Variants in KALRN observed in about 807,000 individuals in gnomAD.
KALRN encodes kalirin.
A neutral mutation model predicts 353.7 loss-of-function variants in KALRN; 70 were observed. That is an observed-to-expected ratio of 0.20 (90% confidence interval 0.16 to 0.24). KALRN has a LOEUF of 0.24. KALRN is among the 10% of genes least tolerant of loss of function. The pLI is 1.00. For synonymous variants in KALRN, 1,391 were observed against 1,434.8 expected (o/e 0.97, Z 0.69); for missense variants, 2,791 against 3,756.7 (o/e 0.74, Z 6.72).
intron 5 of KALRN, among the ~76,000 whole-genome samples, chr3:124,274,515 T>G (rs148795827): frequency 6.6e-6 from 1 of 152,346 alleles, no homozygotes; most frequent in Non-Finnish European, 1.5e-5. Context: ...CCAAAGCTAT[T>G]CTGGAAAGGA....
chr3:124,318,038 A>G (rs1461871053), intron 6 of KALRN, among the ~76,000 whole-genome samples: 1 of 152,176 alleles, frequency 6.6e-6, no homozygotes, highest in Non-Finnish European at 1.5e-5. Flanking sequence ...TTCTTAAACC[A>G]GATCCTGGGT....
intron 1 of KALRN, among the ~76,000 whole-genome samples, chr3:124,111,446 C>A (rs1461539023): frequency 6.6e-6 from 1 of 152,098 alleles, no homozygotes. Context: ...CAGCATTTAC[C>A]CTGTGGGACT....
chr3:124,268,479 A>G (rs2073820392), intron 4 of KALRN: 3 of 477,566 alleles, frequency 6.3e-6, no homozygotes, highest in South Asian at 6.0e-5. Flanking sequence ...TGAGGAGAGG[A>G]GGGACACAAA....
In KALRN at chr3:124,434,476, G is replaced by A. The variant is rs764616767; in HGVS notation, c.2999G>A (p.Arg1000Gln). The A allele has an allele frequency of 2.5e-6, 4 of 1,614,120 alleles. No homozygotes were observed. Among genetic ancestry groups the A allele is most frequent in the South Asian group, 1.1e-5 (1 of 91,088 alleles). Residue 1000 changes from arginine to glutamine, a missense_variant, in exon 17 of 60, where the codon CGG (arginine) becomes CAG (glutamine). Transcript: ENST00000682506. Reference protein sequence around the residue: ...WQQLMLKMEDRLKLVNASVAF... With the variant: ...WQQLMLKMEDQLKLVNASVAF... ...CAGCTCATGCTGAAGATGGAAGACC[G>A]GCTAAAATTGGTCAATGCCTCTGTG...
At chr3:124,094,848 G>C in intron 1 of KALRN, 1 of 1,614,070 alleles carries the variant, frequency 6.2e-7, no homozygotes, top group Non-Finnish European at 8.5e-7. Flanking sequence ...ATGACGGACC[G>C]CTTCTGGGAC....
chr3:124,142,161 A>G (rs2066705970), intron 1 of KALRN, among the ~76,000 whole-genome samples: 1 of 152,164 alleles, frequency 6.6e-6, no homozygotes, highest in Non-Finnish European at 1.5e-5. Flanking sequence ...TGTGGCATGT[A>G]CAGTGTCAGA....
intron 33 of KALRN, among the ~76,000 whole-genome samples, chr3:124,499,354 G>A (rs2064248153): frequency 6.6e-6 from 1 of 152,134 alleles, no homozygotes; most frequent in Non-Finnish European, 1.5e-5. Context: ...TTTCTGTAAA[G>A]CAAAGATAAT....
intron 34 of KALRN, among the ~76,000 whole-genome samples, chr3:124,616,012 C>G (rs1390588581): frequency 2.0e-5 from 3 of 152,144 alleles, no homozygotes; most frequent in Admixed American, 2.0e-4. Flanking sequence ...GTCCAAGAGA[C>G]CCTAAGCCTT....
chr3:124,616,407 T>G lies in KALRN; in HGVS notation c.5183-16013T>G, dbSNP rs577344974. On this transcript the variant is annotated intron_variant, in intron 34 of 59. Transcript: ENST00000682506. ...TAAAATAACTCGGCTAGACTGCAAC[T>G]TAGCTCCTACTTTGGCATTCATAAC... Among the ~76,000 whole-genome samples, 5 of 152,330 alleles carry G rather than the reference T, an allele frequency of 3.3e-5. No individual in the cohort carries two copies. The East Asian group carries it at 9.6e-4, about 29-fold the overall frequency.
intron 9 of KALRN, among the ~76,000 whole-genome samples, chr3:124,339,980 G>T (rs966988594): frequency 4.6e-5 from 7 of 152,032 alleles, no homozygotes; most frequent in Non-Finnish European, 8.8e-5. Context: ...TCTTTTCATG[G>T]GTTTTGTTCT....
chr3:124,167,474 G>T (rs987835114), intron 1 of KALRN, among the ~76,000 whole-genome samples: 2 of 152,228 alleles, frequency 1.3e-5, no homozygotes, highest in Admixed American at 6.5e-5. Context: ...TTTCCCATCT[G>T]TGAAATAAAG....
At chr3:124,395,567 A>G (rs1450395770) in intron 12 of KALRN, 1 of 526,116 alleles carries the variant, frequency 1.9e-6, no homozygotes, top group East Asian at 3.0e-5. Context: ...ATCATTCAGG[A>G]TGTTATTCAG....
Position 124,240,045 on chromosome 3 carries a change from T to C in KALRN, c.263+5102T>C, listed in dbSNP as rs537761509. ...TTTGAATTTAAACCCTATGTATAAA[T>C]AGCTTATAATTTCTATGTATAAACA... On this transcript the variant is annotated intron_variant, in intron 3 of 59. Transcript: ENST00000682506. Among the ~76,000 whole-genome samples, 7 of 152,352 alleles carry C rather than the reference T, an allele frequency of 4.6e-5. No homozygotes were observed. In the East Asian group the frequency reaches 1.3e-3, roughly 29 times the overall value.
At chr3:124,507,005 C>T (rs982520675) in intron 33 of KALRN, among the ~76,000 whole-genome samples, 1 of 152,174 alleles carries the variant, frequency 6.6e-6, no homozygotes, top group South Asian at 2.1e-4. Context: ...ACAGCACCCT[C>T]GTTTCCTGCT....
At chr3:124,295,149 C>A (rs968613239) in intron 5 of KALRN, among the ~76,000 whole-genome samples, 2 of 152,200 alleles carry the variant, frequency 1.3e-5, no homozygotes. Flanking sequence ...TGCTAGTAGG[C>A]AGCAAGTTTA....
chr3:124,472,993 C>T (rs993371846), intron 25 of KALRN, among the ~76,000 whole-genome samples: 4 of 152,144 alleles, frequency 2.6e-5, no homozygotes, highest in Non-Finnish European at 5.9e-5. Context: ...TAAAGCAATG[C>T]TCATTTGTCG....
intron 1 of KALRN, among the ~76,000 whole-genome samples, chr3:124,087,318 T>C (rs998189745): frequency 6.6e-6 from 1 of 152,018 alleles, no homozygotes; most frequent in East Asian, 1.9e-4. Context: ...TCAGAGAAAG[T>C]CTAATTTCTT....
chr3:124,600,780 A>C (rs1455804923), intron 34 of KALRN, among the ~76,000 whole-genome samples: 1 of 152,234 alleles, frequency 6.6e-6, no homozygotes, highest in African/African-American at 2.4e-5. Context: ...GAAGTAGCCT[A>C]GAGGCAGGTT....
intron 1 of KALRN, among the ~76,000 whole-genome samples, chr3:124,122,247 C>T (rs1257953345): frequency 6.6e-6 from 1 of 152,136 alleles, no homozygotes; most frequent in African/African-American, 2.4e-5. Flanking sequence ...CTCAATTCCA[C>T]TCTGCTGCTG....
Sources: allele counts gnomAD v4.1 joint callset (sites outside exome capture counted in the v4.1 genomes callset), GRCh38; gene constraint gnomAD v4.1.1; transcripts MANE v1.5; gene names NCBI Gene and HGNC (gene_info 2026-07-23, HGNC 2026-07-21).